Variants in CEP85L observed in about 807,000 individuals in gnomAD.
CEP85L encodes centrosomal protein 85L.
CEP85L carries 60 observed loss-of-function variants against 100.3 expected under a neutral mutation model. That is an observed-to-expected ratio of 0.60 (90% CI 0.49 to 0.74). The LOEUF (loss-of-function observed/expected upper bound fraction) is 0.74, where lower values mean the gene tolerates loss of function less well. Among genes scored for constraint, CEP85L ranks in the 30% least tolerant of loss-of-function variants. CEP85L has a pLI of 0.00. For synonymous variants in CEP85L, 319 were observed against 322.7 expected (o/e 0.99, Z 0.12); for missense variants, 973 against 936.2 (o/e 1.04, Z -0.51).
chr6:118,670,310 A>G (rs1384963284), intron 1 of CEP85L, among the ~76,000 whole-genome samples: 2 of 151,602 alleles, frequency 1.3e-5, no homozygotes, highest in African/African-American at 4.9e-5. Flanking sequence ...GGTTTGGAGT[A>G]AGGATTATTT....
chr6:118,582,483 GAA>G (rs1331626733), intron 2 of CEP85L, among the ~76,000 whole-genome samples: 2 of 152,140 alleles, frequency 1.3e-5, no homozygotes, highest in Non-Finnish European at 2.9e-5. Context: ...AGACCAAGGA[GAA>G]AAAGAGGAGA....
chr6:118,699,454 CAAAAAA>C (rs34344065), intron 1 of CEP85L, among the ~76,000 whole-genome samples: 1 of 138,660 alleles, frequency 7.2e-6, no homozygotes, highest in Non-Finnish European at 1.5e-5. Context: ...GACCTTGTCT[CAAAAAA>C]AAAAAAAAGA....
intron 3 of CEP85L, among the ~76,000 whole-genome samples, chr6:118,547,841 G>A (rs1778296610): frequency 6.6e-6 from 1 of 152,054 alleles, no homozygotes; most frequent in African/African-American, 2.4e-5. Flanking sequence ...ATTTTATTGT[G>A]TAAAAATATT....
chr6:118,598,099 A>G (rs557593416), intron 2 of CEP85L, among the ~76,000 whole-genome samples: 35 of 152,372 alleles, frequency 2.3e-4, no homozygotes, highest in African/African-American at 8.4e-4. Flanking sequence ...CAGCTTTACA[A>G]TAACACTAAG....
At chr6:118,529,909 T>C (rs1777196186) in intron 3 of CEP85L, among the ~76,000 whole-genome samples, 1 of 152,140 alleles carries the variant, frequency 6.6e-6, no homozygotes, top group Non-Finnish European at 1.5e-5. Flanking sequence ...TTCTTTTGTT[T>C]TATTATAGAC....
At chr6:118,628,863 C>T (rs867042714) in intron 2 of CEP85L, among the ~76,000 whole-genome samples, 54 of 152,180 alleles carry the variant, frequency 3.5e-4, no homozygotes, top group African/African-American at 1.2e-3. Context: ...CGGCACAATC[C>T]GTGAAAGCAA....
At chr6:118,663,016 T>A (rs2115410330) in intron 1 of CEP85L, among the ~76,000 whole-genome samples, 1 of 152,282 alleles carries the variant, frequency 6.6e-6, no homozygotes, top group East Asian at 1.9e-4. Context: ...TTTTTCTGCA[T>A]ACTTTTTTGA....
chr6:118,553,175 C>T (rs915633638), intron 3 of CEP85L, among the ~76,000 whole-genome samples: 4 of 145,360 alleles, frequency 2.8e-5, no homozygotes, highest in Non-Finnish European at 4.5e-5. Flanking sequence ...TGCTTTCCAT[C>T]GAAAAAGTAC....
chr6:118,589,436 T>C lies in CEP85L; in HGVS notation c.233-23120A>G, dbSNP rs756754738. On this transcript the variant is annotated intron_variant, in intron 2 of 12. Coordinates refer to ENST00000368491, the MANE Select transcript of CEP85L (RefSeq NM_001042475.3). Reference sequence around the variant, plus strand: ...GAAGCCAGCAGAGGAAGGAAATGATTTGAAGGGAGTGCCAGAAACATCTGG... The same window carrying C: ...GAAGCCAGCAGAGGAAGGAAATGATCTGAAGGGAGTGCCAGAAACATCTGG... 3.0e-5 allele frequency: 8 copies of C among 262,994 alleles called. No homozygotes were observed. In the South Asian group the frequency reaches 3.1e-4, roughly 10 times the overall value. 16.3% of individuals were successfully genotyped at this position (262,994 alleles called of 1,614,324 possible). A position where few individuals can be genotyped will look rare whatever the true frequency, so the allele number is the denominator to read the frequency against.
Position 118,565,713 on chromosome 6 carries a change from A to G in CEP85L, c.836T>C (p.Met279Thr). 1.9e-6 allele frequency: 3 copies of G among 1,614,214 alleles called. No homozygotes were observed. The highest frequency in any genetic ancestry group is 2.5e-6 in the Non-Finnish European group (3 of 1,180,034). ...TCCACCTACTGCCTGTTGACCAAGC[A>G]TTAAATATTTTGGAGGTTCAAAAGC... ...SEAFEPPKYL[M>T]LGQQAVGGVP... Residue 279 changes from methionine (M) to threonine (T), a missense_variant, in exon 3 of 13, where the codon ATG becomes ACG. Met to Thr is a moderately conservative substitution (Grantham distance 81, BLOSUM62 -1). Around this residue, in one of 3 missense-constraint regions of CEP85L, gnomAD observed 890 missense variants for 844.5 expected, o/e 1.05. Transcript: ENST00000368491.
chr6:118,510,930 CTG>C (rs1268742523), intron 5 of CEP85L, among the ~76,000 whole-genome samples: 1 of 151,848 alleles, frequency 6.6e-6, no homozygotes, highest in Non-Finnish European at 1.5e-5. Context: ...GAAATAATCA[CTG>C]TGTGTTATAT....
chr6:118,491,194 T>TAC (rs1491518154), intron 6 of CEP85L, among the ~76,000 whole-genome samples: 1,337 of 81,254 alleles, frequency 0.016, 13 homozygotes, highest in South Asian at 0.041. Context: ...TACCAACATC[T>TAC]ATACACACAC....
intron 5 of CEP85L, among the ~76,000 whole-genome samples, chr6:118,496,013 G>A (rs1457835167): frequency 2.6e-5 from 4 of 152,200 alleles, no homozygotes; most frequent in African/African-American, 9.7e-5. Flanking sequence ...GTCTTTGAAT[G>A]ATTACATATC....
intron 1 of CEP85L, among the ~76,000 whole-genome samples, chr6:118,692,190 C>A (rs1006964798): frequency 6.6e-6 from 1 of 152,108 alleles, no homozygotes; most frequent in Non-Finnish European, 1.5e-5. Context: ...AAGGAAAGAG[C>A]CCTGCAATGG....
intron 4 of CEP85L, among the ~76,000 whole-genome samples, chr6:118,511,806 T>C (rs985745126): frequency 2.6e-4 from 39 of 152,166 alleles, no homozygotes; most frequent in African/African-American, 8.9e-4. Flanking sequence ...AAGTAAGTTG[T>C]ATGTTTCAGG....
chr6:118,708,029 A>G (rs1313479239), intron 1 of CEP85L, among the ~76,000 whole-genome samples: 1 of 152,176 alleles, frequency 6.6e-6, no homozygotes, highest in Non-Finnish European at 1.5e-5. Flanking sequence ...AAAAACATAT[A>G]TAGACTTCAA....
rs1774033114 is a variant in CEP85L at position 118,484,529 on chromosome 6, G to A, written c.1438-671C>T. On this transcript the variant is annotated intron_variant, in intron 6 of 12. Coordinates refer to ENST00000368491, the MANE Select transcript of CEP85L (RefSeq NM_001042475.3). The stretch of plus-strand genomic sequence containing the variant: ...GTGATTTCAATATTGTCATATACAT[G>A]TAGAAACTATGTGTTGAGTTTAAAT... Among the ~76,000 whole-genome samples, 2 of 152,142 alleles carry A rather than the reference G, an allele frequency of 1.3e-5. 1 individual carries two copies. Among genetic ancestry groups the A allele is most frequent in the Non-Finnish European group, 2.9e-5 (2 of 68,042 alleles).
intron 5 of CEP85L, among the ~76,000 whole-genome samples, chr6:118,507,935 T>C (rs1301337008): frequency 6.6e-6 from 1 of 152,218 alleles, no homozygotes; most frequent in Non-Finnish European, 1.5e-5. Context: ...TCCATTAGAC[T>C]ACACATTCCT....
intron 4 of CEP85L, among the ~76,000 whole-genome samples, chr6:118,523,157 T>C (rs906129712): frequency 2.0e-5 from 3 of 152,174 alleles, no homozygotes; most frequent in Non-Finnish European, 4.4e-5. Flanking sequence ...ATATACAACA[T>C]ATTTAATTAT....
Sources: allele counts gnomAD v4.1 joint callset (sites outside exome capture counted in the v4.1 genomes callset), GRCh38; gene constraint gnomAD v4.1.1; regional missense constraint gnomAD v4.1.1; transcripts MANE v1.5; gene names NCBI Gene and HGNC (gene_info 2026-07-23, HGNC 2026-07-21).